The following EIF4H variants were observed in gnomAD, a reference collection of about 807,000 sequenced individuals.
EIF4H encodes Williams-Beuren syndrome chromosome region 1.
A neutral mutation model predicts 30.6 loss-of-function variants in EIF4H; 8 were observed. The observed-to-expected ratio is 0.26, with a 90% CI of 0.15 to 0.47. EIF4H has a LOEUF of 0.47. Ranked by LOEUF, EIF4H falls within the 20% of genes least tolerant of loss-of-function variation. The pLI is 0.99. For missense variants in EIF4H, 188 were observed against 339.5 expected, an observed-to-expected ratio of 0.55 and a Z score of 3.51; for synonymous variants, 106 against 122.7, an observed-to-expected ratio of 0.86 and a Z score of 0.90.
chr7:74,180,233 G>A (rs1554708217), intron 1 of EIF4H, among the ~76,000 whole-genome samples: 1 of 152,072 alleles, frequency 6.6e-6, no homozygotes, highest in Admixed American at 6.6e-5. Context: ...TTTACTTCAA[G>A]GAACAGACTT....
chr7:74,175,793 G>C (rs1400401203), intron 1 of EIF4H, among the ~76,000 whole-genome samples: 1 of 151,192 alleles, frequency 6.6e-6, no homozygotes, highest in African/African-American at 2.4e-5. Flanking sequence ...CTTAAACAGC[G>C]TGGTCAATTT....
rs1425759381 is a variant in EIF4H, at chr7:74,189,744, A to G, written c.312+7A>G. The G allele has an allele frequency of 1.9e-6, 3 of 1,614,234 alleles. No individual in the cohort carries two copies. Among genetic ancestry groups the G allele is most frequent in the East Asian group, 2.2e-5 (1 of 44,894 alleles). ...CTTGACATACGATGGTGCAGTAAGT[A>G]TCCTCGGGTTTTCTCTGTCATAGCA... On this transcript the variant is annotated splice_region_variant and intron_variant, in intron 3 of 6. Coordinates refer to ENST00000265753, the MANE Select transcript of EIF4H (RefSeq NM_022170.2).
chr7:74,174,473 G>A, intron 1 of EIF4H, 31 bp downstream of exon 1: 2 of 1,391,258 alleles, frequency 1.4e-6, no homozygotes, highest in Non-Finnish European at 1.9e-6. Context: ...CCCCGTCGGG[G>A]GCTGCGGGAC....
chr7:74,181,468 GT>G (rs1800960883), intron 1 of EIF4H, among the ~76,000 whole-genome samples: 1 of 151,788 alleles, frequency 6.6e-6, no homozygotes, highest in Admixed American at 6.6e-5. Context: ...TTTTACTCTT[GT>G]TGCCCAGGCT....
intron 1 of EIF4H, among the ~76,000 whole-genome samples, chr7:74,175,096 T>C (rs1181865853): frequency 6.6e-6 from 1 of 152,218 alleles, no homozygotes; most frequent in Non-Finnish European, 1.5e-5. Flanking sequence ...TGCTACGTGC[T>C]CTTTGGCACA....
chr7:74,186,805 T>A (rs1293189769), intron 1 of EIF4H, among the ~76,000 whole-genome samples: 5,651 of 33,566 alleles, frequency 0.17, 1,580 homozygotes, highest in Admixed American at 0.22. Context: ...TTTTTTTTTT[T>A]TTTTTTTTTT....
intron 1 of EIF4H, among the ~76,000 whole-genome samples, chr7:74,185,388 T>C (rs1201568896): frequency 6.6e-6 from 1 of 152,132 alleles, no homozygotes; most frequent in Non-Finnish European, 1.5e-5. Flanking sequence ...AGCGATAGAG[T>C]ACTATTGGCA....
rs565234765 is a variant in EIF4H, at chr7:74,179,880, T to A, written c.59+5438T>A. On this transcript the variant is annotated intron_variant, in intron 1 of 6. Coordinates refer to ENST00000265753, the MANE Select transcript of EIF4H (RefSeq NM_022170.2). ...TTGATGGATACAGGTTTTCCGAAAC[T>A]CTTTTTTGCTTGAAAGCTTAAATTT... 2.6e-4 allele frequency among the ~76,000 whole-genome samples: 40 copies of A among 152,306 alleles called. No homozygotes were observed. The East Asian group carries it at 3.9e-3, about 15-fold the overall frequency.
intron 1 of EIF4H, among the ~76,000 whole-genome samples, chr7:74,178,375 C>G (rs2115935071): frequency 6.6e-6 from 1 of 152,144 alleles, no homozygotes; most frequent in Non-Finnish European, 1.5e-5. Context: ...CGTGGCAAAA[C>G]CCCATGTCTA....
chr7:74,181,281 T>G (rs1442538495), intron 1 of EIF4H, among the ~76,000 whole-genome samples: 1 of 152,212 alleles, frequency 6.6e-6, no homozygotes, highest in African/African-American at 2.4e-5. Context: ...TAGTCACCTA[T>G]CCTTCTAAAA....
At chr7:74,179,272 T>C (rs1554708094) in intron 1 of EIF4H, among the ~76,000 whole-genome samples, 1 of 152,254 alleles carries the variant, frequency 6.6e-6, no homozygotes, top group African/African-American at 2.4e-5. Context: ...CAGTAGTTTC[T>C]ATGAAGGTTA....
chr7:74,178,160 C>G (rs1584172599), intron 1 of EIF4H, among the ~76,000 whole-genome samples: 1 of 152,104 alleles, frequency 6.6e-6, no homozygotes, highest in South Asian at 2.1e-4. Flanking sequence ...AGGCTAGTCT[C>G]AAACCCCTGG....
At chr7:74,178,747 C>T (rs958407602) in intron 1 of EIF4H, among the ~76,000 whole-genome samples, 12 of 152,142 alleles carry the variant, frequency 7.9e-5, no homozygotes, top group African/African-American at 2.9e-4. Context: ...GACCTGCACA[C>T]CCGGGCATGA....
intron 5 of EIF4H, among the ~76,000 whole-genome samples, chr7:74,194,218 C>T (rs1235835231): frequency 6.6e-6 from 1 of 152,190 alleles, no homozygotes; most frequent in African/African-American, 2.4e-5. Context: ...AGGTGCTTTG[C>T]TTGTAGAATG....
chr7:74,186,045 A>G (rs1801073765), intron 1 of EIF4H, among the ~76,000 whole-genome samples: 1 of 152,152 alleles, frequency 6.6e-6, no homozygotes, highest in South Asian at 2.1e-4. Flanking sequence ...AGAAGTGACT[A>G]TTCTGCCTTG....
rs1554710829 is a variant in EIF4H at position 74,196,712 on chromosome 7, C to T, written c.*1404C>T. 6.6e-6 allele frequency: 1 copy of T among 151,278 alleles called. No individual in the cohort carries two copies. Among genetic ancestry groups the T allele is most frequent in the African/African-American group, 2.4e-5 (1 of 41,080 alleles). 9.4% of individuals were successfully genotyped at this position (151,278 alleles called of 1,614,324 possible). A position where few individuals can be genotyped will look rare whatever the true frequency, so the allele number is the denominator to read the frequency against. ...GCGGAATGTGCTTAGTATTTGGTCA[C>T]CAGCCGTCATCCTGGGCTTTTCCTA... On this transcript the variant is annotated 3_prime_UTR_variant, in exon 7 of 7. Coordinates refer to ENST00000265753, the MANE Select transcript of EIF4H (RefSeq NM_022170.2).
intron 5 of EIF4H, chr7:74,191,264 A>T (rs782782687): frequency 3.7e-6 from 2 of 533,822 alleles, no homozygotes; most frequent in African/African-American, 3.9e-5. Context: ...AATTTTATGT[A>T]TAAGCTAGTC....
intron 1 of EIF4H, among the ~76,000 whole-genome samples, chr7:74,184,401 ATC>A (rs1269160556): frequency 2.9e-4 from 44 of 151,940 alleles, no homozygotes; most frequent in African/African-American, 1.1e-3. Flanking sequence ...AGAGTTTATC[ATC>A]TCTCTTCATC....
rs797041200 is a variant in EIF4H at position 74,178,545 on chromosome 7, C to CA, written c.59+4116dup. Reference sequence around the variant, plus strand: ...CTGGGCGACAGAGAGAGACTGTCTCCAAAAAAAAAAAAAGAAAAATTAAGC... The same window carrying CA: ...CTGGGCGACAGAGAGAGACTGTCTCCAAAAAAAAAAAAAAGAAAAATTAAGC... On this transcript the variant is annotated intron_variant, in intron 1 of 6. Coordinates refer to ENST00000265753, the MANE Select transcript of EIF4H (RefSeq NM_022170.2). 2.7e-3 allele frequency among the ~76,000 whole-genome samples: 330 copies of CA among 121,370 alleles called. 1 individual carries two copies. The highest frequency in any genetic ancestry group is 4.1e-3 in the Admixed American group (48 of 11,778). The allele number at this position is 121,370 out of a possible 152,430, so 79.6% of individuals were successfully genotyped here.
Sources: allele counts gnomAD v4.1 joint callset (sites outside exome capture counted in the v4.1 genomes callset), GRCh38; gene constraint gnomAD v4.1.1; transcripts MANE v1.5; gene names NCBI Gene and HGNC (gene_info 2026-07-23, HGNC 2026-07-21).